PARPBP: variants seen among roughly 807,000 people sequenced by gnomAD.
PARPBP encodes the protein PCNA-interacting partner.
PARPBP carries 52 observed loss-of-function variants against 50.0 expected under a neutral mutation model. That is an observed-to-expected ratio of 1.04 (90% confidence interval 0.83 to 1.31). The LOEUF is 1.31. Among genes scored for constraint, PARPBP ranks in the 50% most tolerant of loss-of-function variants. PARPBP has a pLI of 0.00. For synonymous variants in PARPBP, 244 were observed against 232.1 expected, an observed-to-expected ratio of 1.05 and a Z score of -0.47; for missense variants, 697 against 672.0, an observed-to-expected ratio of 1.04 and a Z score of -0.41.
chr12:102,175,985 CTTTT>C (rs948256671), intron 7 of PARPBP, among the ~76,000 whole-genome samples: 1 of 141,696 alleles, frequency 7.1e-6, no homozygotes. Context: ...CATAAATATT[CTTTT>C]TTTTTTTTTT....
At chr12:102,136,461 C>A (rs1172548314) in intron 2 of PARPBP, among the ~76,000 whole-genome samples, 1 of 152,160 alleles carries the variant, frequency 6.6e-6, no homozygotes, top group Non-Finnish European at 1.5e-5. Flanking sequence ...GTGAAATATA[C>A]CCTGAAAAAC....
intron 2 of PARPBP, among the ~76,000 whole-genome samples, chr12:102,138,449 G>A (rs549161851): frequency 4.8e-4 from 73 of 152,218 alleles, no homozygotes; most frequent in African/African-American, 1.6e-3. Flanking sequence ...CTCCCATTCT[G>A]TAGGTTGCCT....
intron 3 of PARPBP, among the ~76,000 whole-genome samples, chr12:102,150,811 C>G (rs1886088326): frequency 6.6e-6 from 1 of 152,112 alleles, no homozygotes; most frequent in Non-Finnish European, 1.5e-5. Flanking sequence ...AGCAAATGAC[C>G]TCTGTAGGTA....
chr12:102,195,965 T>C lies in PARPBP; in HGVS notation c.1414T>C (p.Ser472Pro). 6.3e-7 allele frequency: 1 copy of C among 1,596,908 alleles called. No homozygotes were observed. Among genetic ancestry groups the C allele is most frequent in the Non-Finnish European group, 8.5e-7 (1 of 1,171,452 alleles). ...TTGCATAACAGAGGGTGTAAATCCA[T>C]CTGTTGGAAGATCAACAATTGGAAC... ...ENDLSEGVNP[S>P]VGRSTIGTSF... The change falls in exon 11 of 11, where the codon TCT becomes CCT. Residue 472 changes from serine to proline, a missense_variant. Ser to Pro is a moderately conservative substitution (Grantham distance 74). Coordinates refer to ENST00000327680, the MANE Select transcript of PARPBP (RefSeq NM_017915.5).
chr12:102,120,396 G>C, intron 1 of PARPBP, 110 bp downstream of exon 1: 1 of 452,918 alleles, frequency 2.2e-6, no homozygotes, highest in Admixed American at 2.4e-5. Flanking sequence ...GCAAAGTGCC[G>C]TGGGACCGAA....
chr12:102,129,723 T>A (rs1331763736), intron 2 of PARPBP, among the ~76,000 whole-genome samples: 1 of 152,196 alleles, frequency 6.6e-6, no homozygotes, highest in Non-Finnish European at 1.5e-5. Flanking sequence ...ATCTTTCACC[T>A]CCCTGGTTGA....
Position 102,154,888 on chromosome 12 carries a change from A to G in PARPBP, c.495+912A>G, listed in dbSNP as rs866527532. The stretch of plus-strand genomic sequence containing the variant: ...CACCTTTTAATAGGAAGCATTTGCC[A>G]TCTATTGTTTCTAAGGGTGGCCACC... On this transcript the variant is annotated intron_variant, in intron 4 of 10. Coordinates refer to ENST00000327680, the MANE Select transcript of PARPBP (RefSeq NM_017915.5). The G allele has an allele frequency of 1.3e-5, 6 of 450,060 alleles. No homozygotes were observed. In the Middle Eastern group the frequency reaches 1.6e-3, roughly 123 times the overall value. The allele number at this position is 450,060 out of a possible 1,614,324, so 27.9% of individuals were successfully genotyped here.
chr12:102,147,395 G>A (rs1315351461), intron 2 of PARPBP, among the ~76,000 whole-genome samples: 1 of 152,064 alleles, frequency 6.6e-6, no homozygotes, highest in Non-Finnish European at 1.5e-5. Flanking sequence ...CATGAAAAAT[G>A]ATGAGTTCAT....
intron 2 of PARPBP, among the ~76,000 whole-genome samples, chr12:102,143,314 C>G (rs1236048957): frequency 1.3e-5 from 2 of 152,176 alleles, no homozygotes; most frequent in Non-Finnish European, 2.9e-5. Context: ...GCTGGTGTGC[C>G]GTTTGCTAAG....
chr12:102,162,768 G>A (rs1887731190), intron 4 of PARPBP, among the ~76,000 whole-genome samples: 1 of 151,772 alleles, frequency 6.6e-6, no homozygotes, highest in African/African-American at 2.4e-5. Flanking sequence ...GTTACAGTGT[G>A]CCCTGATTGT....
In PARPBP at chr12:102,165,794, T is replaced by C; in HGVS notation, c.732T>C (p.Asp244=). The C allele has an allele frequency of 6.2e-7, 1 of 1,600,362 alleles. No homozygotes were observed. The highest frequency in any genetic ancestry group is 8.6e-7 in the Non-Finnish European group (1 of 1,167,916). The part of the protein sequence containing the change: ...GGKGYAPPPS[D]PLRTHVKGLS... ...AAGGATATGCACCACCACCATCAGA[T>C]CCTTTAAGGACACATGTAAAGGGAT... Residue 244 remains aspartate, a synonymous_variant, in exon 6 of 11, where the codon GAT becomes GAC. Transcript: ENST00000327680.
At chr12:102,145,016 AT>A (rs950203211) in intron 2 of PARPBP, among the ~76,000 whole-genome samples, 8 of 152,060 alleles carry the variant, frequency 5.3e-5, no homozygotes, top group Non-Finnish European at 1.0e-4. Context: ...AATGAGGATA[AT>A]TTTTTTAGTT....
At chr12:102,181,466 C>A (rs1004017772) in intron 8 of PARPBP, among the ~76,000 whole-genome samples, 5 of 152,042 alleles carry the variant, frequency 3.3e-5, no homozygotes, top group Admixed American at 2.6e-4. Context: ...AGGCTACAAA[C>A]CTGTACAGTA....
intron 2 of PARPBP, among the ~76,000 whole-genome samples, chr12:102,127,621 A>G (rs1882208510): frequency 6.6e-6 from 1 of 152,222 alleles, no homozygotes; most frequent in African/African-American, 2.4e-5. Flanking sequence ...TAATAATGAA[A>G]TAAACTAGAA....
intron 9 of PARPBP, among the ~76,000 whole-genome samples, chr12:102,194,923 A>G (rs1367039589): frequency 6.6e-6 from 1 of 151,032 alleles, no homozygotes; most frequent in Non-Finnish European, 1.5e-5. Flanking sequence ...TCTTCTTAGG[A>G]TGAAGAACTT....
rs57945278 is a variant in PARPBP, at chr12:102,121,571, T to TTTTTA, written c.-4+1285_-4+1286insTTTTA. ...TTTTTTTTTTTTTTTTTTTTTTTTTTAAGACAGAGTCTCACTCTGTCACCT... is the reference window on the plus strand; with the variant it reads ...TTTTTTTTTTTTTTTTTTTTTTTTTTTTTTAAAGACAGAGTCTCACTCTGTCACCT... On this transcript the variant is annotated intron_variant, in intron 1 of 10. Coordinates refer to ENST00000327680, the MANE Select transcript of PARPBP (RefSeq NM_017915.5). Among the ~76,000 whole-genome samples the TTTTTA allele has an allele frequency of 6.0e-3, 769 of 127,288 alleles. 26 individuals are homozygous for TTTTTA. The highest frequency in any genetic ancestry group is 0.021 in the African/African-American group (691 of 32,622). 83.5% of individuals were successfully genotyped at this position (127,288 alleles called of 152,430 possible). A position where few individuals can be genotyped will look rare whatever the true frequency, so the allele number is the denominator to read the frequency against.
At chr12:102,123,034 G>C (rs1262711251) in intron 1 of PARPBP, among the ~76,000 whole-genome samples, 2 of 152,138 alleles carry the variant, frequency 1.3e-5, no homozygotes, top group African/African-American at 4.8e-5. Context: ...TACTCTAGTG[G>C]TCATACAGGA....
At chr12:102,151,216 A>G (rs1343655365) in intron 3 of PARPBP, among the ~76,000 whole-genome samples, 1 of 152,144 alleles carries the variant, frequency 6.6e-6, no homozygotes, top group African/African-American at 2.4e-5. Context: ...TAGCACCTCA[A>G]CATAAAACTA....
chr12:102,166,178 A>G (rs1888121819), intron 6 of PARPBP, among the ~76,000 whole-genome samples: 1 of 152,184 alleles, frequency 6.6e-6, no homozygotes, highest in Non-Finnish European at 1.5e-5. Flanking sequence ...GGCAATGAGC[A>G]GACAGATAAT....
Sources: gnomAD v4.1 joint callset for allele counts (sites outside exome capture counted in the v4.1 genomes callset) on GRCh38, gnomAD v4.1.1 for gene constraint, MANE v1.5 for transcripts, NCBI Gene and HGNC (gene_info 2026-07-23, HGNC 2026-07-21) for gene names.